ARHGAP32: variants seen among roughly 807,000 people sequenced by gnomAD.
ARHGAP32 encodes Rho GTPase activating protein 32, also known as rho GTPase-activating protein 32.
In ARHGAP32, 51 loss-of-function variants were observed where a neutral mutation model predicts 186.5. The ratio of observed to expected loss-of-function variants is 0.27; its 90% CI spans 0.22 to 0.35. The LOEUF (loss-of-function observed/expected upper bound fraction) is 0.35, where lower values mean the gene tolerates loss of function less well. Ranked by LOEUF, ARHGAP32 falls within the 10% of genes least tolerant of loss-of-function variation. ARHGAP32 has a pLI of 1.00. For missense variants in ARHGAP32, 2,186 were observed against 2,623.5 expected (o/e 0.83, Z 3.64); for synonymous variants, 950 against 964.3 (o/e 0.99, Z 0.27).
At chr11:129,085,775 G>A (rs1353669184) in intron 6 of ARHGAP32, among the ~76,000 whole-genome samples, 6 of 151,956 alleles carry the variant, frequency 3.9e-5, no homozygotes, top group Non-Finnish European at 7.4e-5. Flanking sequence ...AGGCTGAGAC[G>A]GGCAGCAGGA....
intron 11 of ARHGAP32, among the ~76,000 whole-genome samples, chr11:129,033,655 C>A (rs1939206058): frequency 6.6e-6 from 1 of 152,064 alleles, no homozygotes; most frequent in Non-Finnish European, 1.5e-5. Flanking sequence ...TGTCTAAAGC[C>A]AAGGTCATAA....
intron 5 of ARHGAP32, among the ~76,000 whole-genome samples, chr11:129,117,585 G>C (rs527561585): frequency 6.6e-6 from 1 of 151,850 alleles, no homozygotes; most frequent in Non-Finnish European, 1.5e-5. Flanking sequence ...CATATAGAAA[G>C]CTCGAGACAC....
At chr11:129,272,764 A>G (rs1945487699) in intron 1 of ARHGAP32, among the ~76,000 whole-genome samples, 1 of 152,236 alleles carries the variant, frequency 6.6e-6, no homozygotes, top group Non-Finnish European at 1.5e-5. Context: ...TGTAGGCAAG[A>G]AGAAATGAGA....
Position 129,225,642 on chromosome 11 carries a change from T to C in ARHGAP32, c.-5+53504A>G, listed in dbSNP as rs147715886. Among the ~76,000 whole-genome samples the C allele has an allele frequency of 8.9e-3, 1,354 of 152,254 alleles. 21 individuals are homozygous for C. The highest frequency in any genetic ancestry group is 0.011 in the Non-Finnish European group (736 of 68,006). On this transcript the variant is annotated intron_variant, in intron 1 of 6. Transcript: ENST00000525234. ...ACAATAAGGATCCTGGAGCCAAATATGATTTTCAAAGTTGCCACCCCACTA... is the reference window on the plus strand; with the variant it reads ...ACAATAAGGATCCTGGAGCCAAATACGATTTTCAAAGTTGCCACCCCACTA...
intron 1 of ARHGAP32, among the ~76,000 whole-genome samples, chr11:129,263,890 T>C (rs1945358317): frequency 6.6e-6 from 1 of 152,152 alleles, no homozygotes; most frequent in South Asian, 2.1e-4. Flanking sequence ...CTTCTGGATG[T>C]ATACTCCAAA....
intron 1 of ARHGAP32, among the ~76,000 whole-genome samples, chr11:129,199,415 C>T (rs1328352773): frequency 6.6e-6 from 1 of 152,258 alleles, no homozygotes; most frequent in African/African-American, 2.4e-5. Flanking sequence ...GCCCAGGGCC[C>T]CCTGCTGTGT....
At chr11:129,137,893 A>G (rs1386780379) in intron 2 of ARHGAP32, among the ~76,000 whole-genome samples, 1 of 152,100 alleles carries the variant, frequency 6.6e-6, no homozygotes, top group Non-Finnish European at 1.5e-5. Context: ...TTTGAAGCTG[A>G]TTAAATACTA....
intron 11 of ARHGAP32, chr11:129,024,138 G>A (rs1236298189): frequency 1.0e-6 from 1 of 985,332 alleles, no homozygotes; most frequent in African/African-American, 1.7e-5. Context: ...CAGCAAGTGT[G>A]TGGGAGAGCT....
At chr11:129,211,751 G>T (rs985196352) in intron 1 of ARHGAP32, among the ~76,000 whole-genome samples, 5 of 152,100 alleles carry the variant, frequency 3.3e-5, no homozygotes, top group South Asian at 2.1e-4. Flanking sequence ...TTAATGATCA[G>T]GCATTTACAT....
chr11:129,055,321 T>G lies in ARHGAP32; in HGVS notation c.963+6959A>C, dbSNP rs895626273. Among the ~76,000 whole-genome samples the G allele has an allele frequency of 6.6e-5, 10 of 152,348 alleles. No homozygotes were observed. In the East Asian group the frequency reaches 1.9e-3, roughly 29 times the overall value. ...GGATGTGGAACAGCAGAAACTCTCA[T>G]TCACTGCTAGTAACAATGCAAAATG... is the stretch of plus-strand genomic sequence containing the variant. On this transcript the variant is annotated intron_variant, in intron 10 of 22. Transcript: ENST00000682385.
At chr11:129,272,097 A>C (rs1228945827) in intron 1 of ARHGAP32, among the ~76,000 whole-genome samples, 2 of 152,112 alleles carry the variant, frequency 1.3e-5, no homozygotes, top group African/African-American at 4.8e-5. Context: ...AATATAAACA[A>C]CTCTTGAAAT....
intron 11 of ARHGAP32, among the ~76,000 whole-genome samples, chr11:129,017,226 C>T (rs964743084): frequency 2.0e-5 from 3 of 151,974 alleles, no homozygotes; most frequent in Non-Finnish European, 4.4e-5. Context: ...GAGGCCAAGG[C>T]GGGCAGATCA....
At chr11:129,149,415 G>C (rs1943241723) in intron 2 of ARHGAP32, among the ~76,000 whole-genome samples, 1 of 152,172 alleles carries the variant, frequency 6.6e-6, no homozygotes, top group Non-Finnish European at 1.5e-5. Context: ...CCAAGCAAGT[G>C]CTGGCATCCA....
intron 1 of ARHGAP32, among the ~76,000 whole-genome samples, chr11:129,248,598 G>A (rs754285441): frequency 1.3e-5 from 2 of 151,978 alleles, no homozygotes; most frequent in Non-Finnish European, 2.9e-5. Context: ...TTTTGTTGTG[G>A]TATTGTTTTC....
At chr11:129,199,581 C>A (rs190121762) in intron 1 of ARHGAP32, among the ~76,000 whole-genome samples, 1 of 152,380 alleles carries the variant, frequency 6.6e-6, no homozygotes, top group East Asian at 1.9e-4. Flanking sequence ...AAGTTAAGAA[C>A]TGAGGTTTGG....
intron 2 of ARHGAP32, among the ~76,000 whole-genome samples, chr11:129,153,831 T>C (rs1012131770): frequency 1.3e-5 from 2 of 150,020 alleles, no homozygotes; most frequent in Admixed American, 6.6e-5. Flanking sequence ...AGGCAAAGAG[T>C]TCAAGACCAA....
chr11:129,003,414 ACTCT>A (rs1937618527), intron 11 of ARHGAP32, among the ~76,000 whole-genome samples: 1 of 151,592 alleles, frequency 6.6e-6, no homozygotes, highest in South Asian at 2.1e-4. Flanking sequence ...GTTTGGAAGT[ACTCT>A]CTCCTCTATT....
chr11:129,226,068 T>C lies in ARHGAP32; in HGVS notation c.-5+53078A>G, dbSNP rs140888004. Among the ~76,000 whole-genome samples, 14 of 152,160 alleles carry C rather than the reference T, an allele frequency of 9.2e-5. No homozygotes were observed. In the East Asian group the frequency reaches 2.7e-3, roughly 29 times the overall value. On this transcript the variant is annotated intron_variant, in intron 1 of 6. Transcript: ENST00000525234. ...AATTGAGATTATCTAATTCTTCAAATATGAAGATAGGTCAATTGAGATTAT... is the reference window on the plus strand; with the variant it reads ...AATTGAGATTATCTAATTCTTCAAACATGAAGATAGGTCAATTGAGATTAT...
chr11:129,047,557 C>T (rs1298905249), intron 10 of ARHGAP32, among the ~76,000 whole-genome samples: 1 of 151,948 alleles, frequency 6.6e-6, no homozygotes, highest in Non-Finnish European at 1.5e-5. Flanking sequence ...CAAACCAATC[C>T]AGCAAACCAC....
Sources: allele counts gnomAD v4.1 joint callset (sites outside exome capture counted in the v4.1 genomes callset), GRCh38; gene constraint gnomAD v4.1.1; transcripts MANE v1.5; gene names NCBI Gene and HGNC (gene_info 2026-07-23, HGNC 2026-07-21).